Variants in CLVS1 observed in about 807,000 individuals in gnomAD.
CLVS1 encodes the protein clavesin 1, also known as clavesin-1.
In CLVS1, 10 loss-of-function variants were observed where a neutral mutation model predicts 33.1. That is an observed-to-expected ratio of 0.30 (90% CI 0.19 to 0.51). The LOEUF is 0.51. Among genes scored for constraint, CLVS1 ranks in the 20% least tolerant of loss-of-function variants. The pLI is 0.97. For synonymous variants in CLVS1, 163 were observed against 166.1 expected (o/e 0.98, Z 0.14); for missense variants, 343 against 433.4 (o/e 0.79, Z 1.85).
At chr8:61,151,538 G>A (rs560699710) in intron 2 of CLVS1, among the ~76,000 whole-genome samples, 4 of 152,260 alleles carry the variant, frequency 2.6e-5, no homozygotes, top group African/African-American at 9.6e-5. Context: ...TTCTTAAAGT[G>A]AGAATAGGGC....
chr8:61,351,529 A>ATTGGATCTT (rs1812461800), intron 2 of CLVS1, among the ~76,000 whole-genome samples: 1 of 152,150 alleles, frequency 6.6e-6, no homozygotes, highest in Non-Finnish European at 1.5e-5. Context: ...GTATTTGAAT[A>ATTGGATCTT]AGTAATGGCT....
chr8:60,989,284 G>A, the CLVS1 span, among the ~76,000 whole-genome samples: 759 of 152,190 alleles, frequency 5.0e-3, 5 homozygotes, highest in African/African-American at 0.017. Flanking sequence ...GGGTTCAAGC[G>A]ATTCTCCTGC....
intron 2 of CLVS1, among the ~76,000 whole-genome samples, chr8:61,320,782 C>G (rs1023776797): frequency 6.6e-6 from 1 of 152,120 alleles, no homozygotes; most frequent in Admixed American, 6.5e-5. Flanking sequence ...TCCAAAGGCT[C>G]CACCTTCTAA....
intron 2 of CLVS1, among the ~76,000 whole-genome samples, chr8:61,206,902 A>G (rs1339183402): frequency 2.6e-5 from 4 of 152,070 alleles, no homozygotes; most frequent in Non-Finnish European, 5.9e-5. Flanking sequence ...CCTAATTTTC[A>G]TTAATTATTG....
intron 1 of CLVS1, among the ~76,000 whole-genome samples, chr8:61,071,427 T>C (rs1804794481): frequency 6.6e-6 from 1 of 152,176 alleles, no homozygotes; most frequent in Admixed American, 6.5e-5. Context: ...CGTTAACCTC[T>C]TGCTTCCATA....
At chr8:61,025,512 TC>T in the CLVS1 span, among the ~76,000 whole-genome samples, 1 of 152,208 alleles carries the variant, frequency 6.6e-6, no homozygotes, top group Non-Finnish European at 1.5e-5. Flanking sequence ...AGAGCCTTCC[TC>T]CTTGTTGTTC....
intron 2 of CLVS1, among the ~76,000 whole-genome samples, chr8:61,272,435 T>G (rs981444128): frequency 4.0e-5 from 6 of 151,634 alleles, no homozygotes; most frequent in Non-Finnish European, 5.9e-5. Flanking sequence ...CATTTTTTCC[T>G]TCATTTCAAC....
chr8:60,978,359 A>G, the CLVS1 span, among the ~76,000 whole-genome samples: 2 of 152,242 alleles, frequency 1.3e-5, no homozygotes, highest in African/African-American at 4.8e-5. Flanking sequence ...TGGGCATGCA[A>G]TGTATACAGG....
chr8:61,376,986 G>C (rs1204971191), intron 3 of CLVS1: 130 of 495,334 alleles, frequency 2.6e-4, no homozygotes, highest in Non-Finnish European at 2.1e-5. Flanking sequence ...CCAAATTACT[G>C]TTACCCCAGG....
At chr8:61,349,282 T>A (rs1057214246) in intron 2 of CLVS1, among the ~76,000 whole-genome samples, 2 of 152,122 alleles carry the variant, frequency 1.3e-5, no homozygotes, top group Non-Finnish European at 2.9e-5. Context: ...ATTAAAAAAA[T>A]TATTGCCCAG....
At chr8:61,056,569 G>A (rs13257940), upstream of CLVS1, among the ~76,000 whole-genome samples, 6,841 of 152,070 alleles carry the variant, frequency 0.045, 189 homozygotes, top group South Asian at 0.14. Context: ...TCATATCAGC[G>A]AGTGCCTGAC....
intron 3 of CLVS1, among the ~76,000 whole-genome samples, chr8:61,407,368 T>C (rs1815034162): frequency 6.6e-6 from 1 of 152,264 alleles, no homozygotes; most frequent in Non-Finnish European, 1.5e-5. Context: ...AAAGCACAGA[T>C]ATTAGTATTT....
chr8:61,046,226 C>A, the CLVS1 span, among the ~76,000 whole-genome samples: 1 of 147,636 alleles, frequency 6.8e-6, no homozygotes, highest in South Asian at 2.2e-4. Flanking sequence ...GTTTTCCCAG[C>A]ACCATTTATT....
intron 1 of CLVS1, among the ~76,000 whole-genome samples, chr8:61,294,502 T>G (rs1452343657): frequency 6.6e-6 from 1 of 152,098 alleles, no homozygotes; most frequent in Non-Finnish European, 1.5e-5. Context: ...CAACAAGAAT[T>G]TACAGTTAAA....
chr8:61,382,983 C>T (rs1350526024), intron 3 of CLVS1, among the ~76,000 whole-genome samples: 1 of 152,212 alleles, frequency 6.6e-6, no homozygotes, highest in Non-Finnish European at 1.5e-5. Flanking sequence ...CCAGTGGCTA[C>T]TCAATGTTAG....
chr8:61,366,809 G>A (rs17775880), intron 2 of CLVS1, among the ~76,000 whole-genome samples: 58,997 of 152,046 alleles, frequency 0.39, 13,454 homozygotes, highest in East Asian at 0.64. Flanking sequence ...TTCTGCAGAC[G>A]TGGCACCTGC....
intron 1 of CLVS1, among the ~76,000 whole-genome samples, chr8:61,118,496 C>T (rs999301092): frequency 4.0e-5 from 6 of 149,506 alleles, no homozygotes; most frequent in Admixed American, 2.7e-4. Context: ...CCTGCTTTCT[C>T]TTGTGGGCAT....
intron 3 of CLVS1, among the ~76,000 whole-genome samples, chr8:61,428,349 G>A (rs998083512): frequency 2.6e-5 from 4 of 152,214 alleles, no homozygotes; most frequent in African/African-American, 9.6e-5. Context: ...GTATGTGTGT[G>A]TGTAAAGAAA....
rs2129601797 is a variant in CLVS1, at chr8:61,380,952, A to G, written c.630+4173A>G. ...GAAGAGTTACAGTCTTGTGTCCTGT[A>G]GGCTATTTAAAAATATTTGATTCCT... On this transcript the variant is annotated intron_variant, in intron 3 of 5. Transcript: ENST00000325897. Among the ~76,000 whole-genome samples the G allele has an allele frequency of 3.3e-5, 5 of 152,258 alleles. 1 individual carries two copies. In the Middle Eastern group the frequency reaches 0.01, roughly 311 times the overall value.
Sources: allele counts gnomAD v4.1 joint callset (sites outside exome capture counted in the v4.1 genomes callset), GRCh38; gene constraint gnomAD v4.1.1; transcripts MANE v1.5; gene names NCBI Gene and HGNC (gene_info 2026-07-23, HGNC 2026-07-21).